MAMSTR: variants seen among roughly 807,000 people sequenced by gnomAD.
MAMSTR encodes MEF2 activating motif and SAP domain containing transcriptional regulator, also known as MEF2-activating motif and SAP domain-containing transcriptional regulator.
A neutral mutation model predicts 42.7 loss-of-function variants in MAMSTR; 41 were observed. The observed-to-expected ratio is 0.96, with a 90% CI of 0.75 to 1.25. The LOEUF is 1.25. MAMSTR is among the 50% of genes most tolerant of loss of function. The pLI is 0.00. For synonymous variants in MAMSTR, 265 were observed against 244.1 expected (o/e 1.09, Z -0.80); for missense variants, 567 against 557.6 (o/e 1.02, Z -0.17).
In MAMSTR at chr19:48,719,064, G is replaced by C. The variant is rs917044280; in HGVS notation, c.-21-12C>G. 33 of 1,547,756 alleles carry C rather than the reference G, an allele frequency of 2.1e-5. No individual in the cohort carries two copies. The highest frequency in any genetic ancestry group is 2.7e-5 in the Non-Finnish European group (31 of 1,144,694). ...GCCGGGATGGGGACCTGGACGGAGA[G>C]GGGGCAGGGCAGGGGCCCCATAGAG... On this transcript the variant is annotated splice_polypyrimidine_tract_variant and intron_variant, in intron 1 of 9. Transcript: ENST00000318083. This position sits in a 1 kb window ranked among gnomAD's most constrained non-coding sequence, Gnocchi z 4.4.
Position 48,716,751 on chromosome 19 carries a change from G to T in MAMSTR, c.59-8C>A. The T allele has an allele frequency of 7.7e-7, 1 of 1,304,986 alleles. No individual in the cohort carries two copies. The highest frequency in any genetic ancestry group is 9.8e-7 in the Non-Finnish European group (1 of 1,016,006). The allele number at this position is 1,304,986 out of a possible 1,614,324, so 80.8% of individuals were successfully genotyped here. On this transcript the variant is annotated splice_region_variant and splice_polypyrimidine_tract_variant and intron_variant, in intron 2 of 9. Transcript: ENST00000318083. ...GGATCCGAAGCTGGAGGACTGTGGAGGGAGGAGGGAGGTGGGAGGAGGAAG... is the reference window on the plus strand; with the variant it reads ...GGATCCGAAGCTGGAGGACTGTGGATGGAGGAGGGAGGTGGGAGGAGGAAG...
In MAMSTR at chr19:48,713,365, G is replaced by A. The variant is rs199842928; in HGVS notation, c.1150C>T (p.Pro384Ser). ...GGGGGTGGGGGACCAGAACCCAGAG[G>A]AGGACCCCCGCTCAGGGCCTCCAGC... ...DWLEALSGGP[P>S]LGSGPPPPSI... is the part of the protein sequence containing the mutation. The change falls in exon 10 of 10, where the codon CCT becomes TCT. Residue 384 changes from proline to serine, a missense_variant. Transcript: ENST00000318083. 8.1e-6 allele frequency: 13 copies of A among 1,609,672 alleles called. No homozygotes were observed. The Admixed American group carries it at 1.5e-4, about 19-fold the overall frequency.
At chr19:48,714,648 A>G (rs1057421228) in intron 6 of MAMSTR, 88 bp from the exon 7 acceptor site, 90 of 1,358,028 alleles carry the variant, frequency 6.6e-5, no homozygotes, top group Non-Finnish European at 8.7e-5. Flanking sequence ...GGAAACCGAG[A>G]AAGGAGGCAC....
downstream of MAMSTR, among the ~76,000 whole-genome samples, chr19:48,707,838 GGAAAGAAAGAAAGAAAGAAAGAAA>G (rs4002470): frequency 1.1e-5 from 1 of 90,902 alleles, no homozygotes; most frequent in East Asian, 2.8e-4. Flanking sequence ...AAGAAAGAAA[GGAAAGAAAGAAAGAAAGAAAGAAA>G]GAAAGAAAGA....
At position 48,714,509 on chromosome 19, in the gene MAMSTR, T is replaced by A; in HGVS notation, c.580A>T (p.Thr194Ser). Residue 194 changes from threonine to serine, a missense_variant, in exon 7 of 10, where the codon ACC becomes TCC. Thr to Ser is a moderately conservative substitution (Grantham distance 58). Coordinates refer to ENST00000318083, the MANE Select transcript of MAMSTR (RefSeq NM_001130915.2). ...LRLRGLPVSG[T>S]KSMLLERMRG... is the part of the protein sequence containing the mutation. ...ATGCGCTCCAGGAGCATAGACTTGG[T>A]CCCCGACACTGGGAGGCCCCGCAGG... The A allele has an allele frequency of 6.9e-7, 1 of 1,448,982 alleles. No homozygotes were observed. The highest frequency in any genetic ancestry group is 2.6e-5 in the East Asian group (1 of 38,940). The allele number at this position is 1,448,982 out of a possible 1,614,324, so 89.8% of individuals were successfully genotyped here. A position where few individuals can be genotyped will look rare whatever the true frequency, so the allele number is the denominator to read the frequency against.
At chr19:48,711,082 TCA>T (rs1422871721), downstream of MAMSTR, among the ~76,000 whole-genome samples, 1 of 152,172 alleles carries the variant, frequency 6.6e-6, no homozygotes, top group Non-Finnish European at 1.5e-5. Flanking sequence ...TCCCTGATAT[TCA>T]CAGATTTGTA....
rs775191542 is a variant in MAMSTR, at chr19:48,713,730, T to C, written c.950A>G (p.Gln317Arg). 2 of 1,614,192 alleles carry C rather than the reference T, an allele frequency of 1.2e-6. No individual in the cohort carries two copies. The highest frequency in any genetic ancestry group is 1.7e-6 in the Non-Finnish European group (2 of 1,180,022). ...NRGIDDILED[Q>R]VEPDDPLPPI... ...TTGGATCCTACCATCAGGCTCCACC[T>C]GATCCTCCAGGATGTCATCGATGCC... The change falls in exon 9 of 10, where the codon CAG (glutamine) becomes CGG (arginine). Residue 317 changes from glutamine (Q) to arginine (R), a missense_variant. Physicochemically the swap from Gln to Arg is conservative, Grantham distance 43. Transcript: ENST00000318083.
chr19:48,718,004 G>A lies in MAMSTR; in HGVS notation c.58+970C>T, dbSNP rs567433176. 5.3e-5 allele frequency among the ~76,000 whole-genome samples: 8 copies of A among 152,226 alleles called. No homozygotes were observed. The East Asian group carries it at 9.7e-4, about 18-fold the overall frequency. ...ACAGGCATCAGCCACCTTGCCCGGC[G>A]TCATTTTTTTGTATTTTTAGTAGAG... On this transcript the variant is annotated intron_variant, in intron 2 of 9. Transcript: ENST00000318083.
chr19:48,708,637 C>T (rs1331017500), downstream of MAMSTR, among the ~76,000 whole-genome samples: 4 of 152,240 alleles, frequency 2.6e-5, no homozygotes, highest in Admixed American at 6.5e-5. Flanking sequence ...CCCACCAAGC[C>T]GGCTTCCTGG....
chr19:48,707,868 A>AAAGG (rs1263298191), downstream of MAMSTR, among the ~76,000 whole-genome samples: 1 of 113,444 alleles, frequency 8.8e-6, no homozygotes, highest in Non-Finnish European at 1.9e-5. Flanking sequence ...AGAAAGAAAG[A>AAAGG]AAGAAAGAAA....
downstream of MAMSTR, among the ~76,000 whole-genome samples, chr19:48,707,838 G>GA (rs1376262803): frequency 1.1e-5 from 1 of 90,902 alleles, no homozygotes; most frequent in Non-Finnish European, 2.1e-5. Flanking sequence ...AAGAAAGAAA[G>GA]GAAAGAAAGA....
chr19:48,714,690 G>C, intron 6 of MAMSTR, 116 bp downstream of exon 6: 1 of 1,257,862 alleles, frequency 8.0e-7, no homozygotes. Flanking sequence ...CCCTAAAACA[G>C]GATGGGACTG....
At position 48,715,618 on chromosome 19, in the gene MAMSTR, G is replaced by T. The variant is rs960975189; in HGVS notation, c.240+7C>A. On this transcript the variant is annotated splice_region_variant and intron_variant, in intron 4 of 9. Transcript: ENST00000318083. ...CAGAGGGACCTCTCCCTCCAGTCGAGACTCACCTTCTTTGGGGACCTCCAA... is the reference window on the plus strand; with the variant it reads ...CAGAGGGACCTCTCCCTCCAGTCGATACTCACCTTCTTTGGGGACCTCCAA... 1.3e-6 allele frequency: 2 copies of T among 1,534,574 alleles called. No homozygotes were observed. Among genetic ancestry groups the T allele is most frequent in the Non-Finnish European group, 1.8e-6 (2 of 1,142,638 alleles).
At position 48,716,664 on chromosome 19, in the gene MAMSTR, T is replaced by TG. The variant is rs909431118; in HGVS notation, c.97+40dup. Reference sequence around the variant, plus strand: ...TATTCCAGGATATCCCAGTGGGGAGTGGGGGGTCACCATCCCCTCCCTTTT... The same window carrying TG: ...TATTCCAGGATATCCCAGTGGGGAGTGGGGGGGTCACCATCCCCTCCCTTTT... On this transcript the variant is annotated intron_variant, in intron 3 of 9. Coordinates refer to ENST00000318083, the MANE Select transcript of MAMSTR (RefSeq NM_001130915.2). The TG allele has an allele frequency of 8.3e-6, 11 of 1,322,046 alleles. No individual in the cohort carries two copies. The African/African-American group carries it at 9.3e-5, about 11-fold the overall frequency. The allele number at this position is 1,322,046 out of a possible 1,614,324, so 81.9% of individuals were successfully genotyped here. A position where few individuals can be genotyped will look rare whatever the true frequency, so the allele number is the denominator to read the frequency against.
chr19:48,715,420 C>T lies in MAMSTR; in HGVS notation c.267G>A (p.Trp89Ter). ...KKESPKISQR[W>*]RESKPRGNLT... is the part of the protein sequence containing the mutation. ...AGTTCCCCCTGGGCTTGGACTCCCT[C>T]CAACGTTGGGAGATCTTGGGAGACT... The change falls in exon 5 of 10, where the codon TGG (tryptophan) becomes TGA (stop). Residue 89 changes from tryptophan (W) to a stop codon, truncating the protein, a stop_gained. Transcript: ENST00000318083. LOFTEE classifies it high-confidence loss of function. 3 of 1,506,382 alleles carry T rather than the reference C, an allele frequency of 2.0e-6. No homozygotes were observed. Among genetic ancestry groups the T allele is most frequent in the Non-Finnish European group, 2.6e-6 (3 of 1,133,482 alleles). The allele number at this position is 1,506,382 out of a possible 1,614,324, so 93.3% of individuals were successfully genotyped here.
Position 48,714,480 on chromosome 19 carries a change from G to A in MAMSTR, c.609C>T (p.Arg203=). Reference sequence around the variant, plus strand: ...GCCGCTCGCGGGGCGGCGCGCCGCCGCGCATGCGCTCCAGGAGCATAGACT... The same window carrying A: ...GCCGCTCGCGGGGCGGCGCGCCGCCACGCATGCGCTCCAGGAGCATAGACT... ...GTKSMLLERM[R]GGAPPRERPK... is the part of the protein sequence containing the mutation. Residue 203 remains arginine (R), a synonymous_variant, in exon 7 of 10, where the codon CGC becomes CGT. Coordinates refer to ENST00000318083, the MANE Select transcript of MAMSTR (RefSeq NM_001130915.2). 1 of 1,370,202 alleles carries A rather than the reference G, an allele frequency of 7.3e-7. No homozygotes were observed. The allele number at this position is 1,370,202 out of a possible 1,614,324, so 84.9% of individuals were successfully genotyped here. A position where few individuals can be genotyped will look rare whatever the true frequency, so the allele number is the denominator to read the frequency against.
rs994251550 is a variant in MAMSTR at position 48,714,706 on chromosome 19, C to G, written c.528+100G>C. On this transcript the variant is annotated intron_variant, in intron 6 of 9. Coordinates refer to ENST00000318083, the MANE Select transcript of MAMSTR (RefSeq NM_001130915.2). Reference sequence around the variant, plus strand: ...CCTAAAACAGGATGGGACTGGGTACCCGATCTCCTGGATTTCCAGAGGGCA... The same window carrying G: ...CCTAAAACAGGATGGGACTGGGTACGCGATCTCCTGGATTTCCAGAGGGCA... 3 of 1,274,634 alleles carry G rather than the reference C, an allele frequency of 2.4e-6. No homozygotes were observed. In the African/African-American group the frequency reaches 4.4e-5, roughly 19 times the overall value. 79.0% of individuals were successfully genotyped at this position (1,274,634 alleles called of 1,614,324 possible). A position where few individuals can be genotyped will look rare whatever the true frequency, so the allele number is the denominator to read the frequency against.
At chr19:48,715,021 A>T (rs2032939913) in intron 5 of MAMSTR, 113 bp from the exon 6 acceptor site, 2 of 759,866 alleles carry the variant, frequency 2.6e-6, no homozygotes, top group Admixed American at 2.9e-5. Context: ...GAGGGTCCAG[A>T]ATTCTGGGTC....
At position 48,714,349 on chromosome 19, in the gene MAMSTR, C is replaced by G. The variant is rs1367889311; in HGVS notation, c.723+17G>C. 7.3e-7 allele frequency: 1 copy of G among 1,365,868 alleles called. No homozygotes were observed. Among genetic ancestry groups the G allele is most frequent in the Non-Finnish European group, 9.4e-7 (1 of 1,066,348 alleles). The allele number at this position is 1,365,868 out of a possible 1,614,324, so 84.6% of individuals were successfully genotyped here. ...CTTTCTCTTCATTGGTCCGCAAGCT[C>G]ATAGCCCCGCCCTCACCGAGCCCTG... On this transcript the variant is annotated intron_variant, in intron 7 of 9. Transcript: ENST00000318083.
Sources: gnomAD v4.1 joint callset for allele counts (sites outside exome capture counted in the v4.1 genomes callset) on GRCh38, gnomAD v4.1.1 for gene constraint, Gnocchi (gnomAD v3.1) non-coding constraint, MANE v1.5 for transcripts, NCBI Gene and HGNC (gene_info 2026-07-23, HGNC 2026-07-21) for gene names.